SLC5A12: variants seen among roughly 807,000 people sequenced by gnomAD.
The protein encoded by SLC5A12 is solute carrier family 5 member 12.
Under a neutral mutation model 72.7 loss-of-function variants are expected in SLC5A12, and 46 were observed. The ratio of observed to expected loss-of-function variants is 0.63; its 90% CI spans 0.50 to 0.81. The LOEUF is 0.81. SLC5A12 is among the 30% of genes least tolerant of loss of function. SLC5A12 has a pLI of 0.00. For missense variants in SLC5A12, 683 were observed against 740.7 expected, an observed-to-expected ratio of 0.92 and a Z score of 0.90; for synonymous variants, 275 against 264.4, an observed-to-expected ratio of 1.04 and a Z score of -0.39.
chr11:26,699,502 C>T (rs7925046), intron 6 of SLC5A12, among the ~76,000 whole-genome samples: 6,999 of 152,170 alleles, frequency 0.046, 351 homozygotes, highest in African/African-American at 0.12. Flanking sequence ...GAGTTTTCAC[C>T]TCACAGTTTA....
chr11:26,717,169 G>A (rs1296224880), intron 1 of SLC5A12, among the ~76,000 whole-genome samples: 5 of 152,044 alleles, frequency 3.3e-5, no homozygotes, highest in Non-Finnish European at 7.4e-5. Context: ...TAAAAGGAAA[G>A]CATTTACCTA....
At chr11:26,696,721 T>C (rs865993946) in intron 8 of SLC5A12, among the ~76,000 whole-genome samples, 1 of 152,226 alleles carries the variant, frequency 6.6e-6, no homozygotes, top group Admixed American at 6.5e-5. Flanking sequence ...TATCATCATA[T>C]ATGCAGTCCA....
At chr11:26,700,948 C>T (rs936945608) in intron 6 of SLC5A12, among the ~76,000 whole-genome samples, 6 of 152,136 alleles carry the variant, frequency 3.9e-5, no homozygotes, top group African/African-American at 1.4e-4. Context: ...GATTTATTTT[C>T]CTCAAGTACC....
chr11:26,674,900 T>C (rs1854231138), intron 13 of SLC5A12, among the ~76,000 whole-genome samples: 1 of 152,228 alleles, frequency 6.6e-6, no homozygotes, highest in African/African-American at 2.4e-5. Context: ...TAGGTAAGTA[T>C]TGTTATTCTC....
At chr11:26,688,643 A>G (rs1854593355) in intron 9 of SLC5A12, among the ~76,000 whole-genome samples, 1 of 152,230 alleles carries the variant, frequency 6.6e-6, no homozygotes, top group Non-Finnish European at 1.5e-5. Context: ...AAAATAGTTT[A>G]AAACTTTGGC....
At chr11:26,715,223 C>T (rs575862283) in intron 1 of SLC5A12, among the ~76,000 whole-genome samples, 34 of 152,228 alleles carry the variant, frequency 2.2e-4, no homozygotes, top group Admixed American at 1.9e-3. Context: ...GAGGGTGCAA[C>T]ACCCATAGTT....
rs776966626 is a variant in SLC5A12 at position 26,721,426 on chromosome 11, C to T, written c.289G>A (p.Glu97Lys). 5.6e-6 allele frequency: 9 copies of T among 1,614,058 alleles called. No homozygotes were observed. The highest frequency in any genetic ancestry group is 7.6e-6 in the Non-Finnish European group (9 of 1,180,000). ...AYLFVILLTS[E>K]LFLPVFYRSG... ...CTGTAGAACACAGGGAGAAAGAGCT[C>T]TGATGTTAAGAGGATGACAAATAGG... is the stretch of plus-strand genomic sequence containing the variant. The change falls in exon 1 of 15, where the codon GAG (glutamate) becomes AAG (lysine). Residue 97 changes from glutamate (E) to lysine (K), a missense_variant. Coordinates refer to ENST00000396005, the MANE Select transcript of SLC5A12 (RefSeq NM_178498.4).
At chr11:26,689,783 A>C (rs562923062) in intron 9 of SLC5A12, among the ~76,000 whole-genome samples, 5 of 152,352 alleles carry the variant, frequency 3.3e-5, no homozygotes, top group African/African-American at 1.2e-4. Flanking sequence ...AAATGTATCA[A>C]AAATATGATG....
chr11:26,713,279 G>A (rs974676898), intron 1 of SLC5A12, among the ~76,000 whole-genome samples: 2 of 151,968 alleles, frequency 1.3e-5, no homozygotes, highest in African/African-American at 2.4e-5. Context: ...TCGGATCCAC[G>A]CCCTCCCTTT....
At chr11:26,720,353 G>GTAAA (rs932574754) in intron 1 of SLC5A12, among the ~76,000 whole-genome samples, 1 of 58,468 alleles carries the variant, frequency 1.7e-5, no homozygotes, top group Non-Finnish European at 6.0e-5. Flanking sequence ...AAATAAATAA[G>GTAAA]TAAATAAATA....
intron 13 of SLC5A12, among the ~76,000 whole-genome samples, chr11:26,677,785 A>G (rs1437914238): frequency 6.6e-6 from 1 of 152,182 alleles, no homozygotes; most frequent in African/African-American, 2.4e-5. Context: ...CAGTCACCAG[A>G]AATGTTGCCA....
intron 8 of SLC5A12, among the ~76,000 whole-genome samples, chr11:26,695,886 T>C (rs950186818): frequency 2.0e-5 from 3 of 152,208 alleles, no homozygotes; most frequent in Non-Finnish European, 4.4e-5. Flanking sequence ...CAGTGTTTCC[T>C]GTGTTCCTCA....
At chr11:26,720,393 G>A (rs1855452407) in intron 1 of SLC5A12, among the ~76,000 whole-genome samples, 1 of 151,812 alleles carries the variant, frequency 6.6e-6, no homozygotes, top group Non-Finnish European at 1.5e-5. Flanking sequence ...GCCTTTTTAA[G>A]TATCTTAAGA....
At chr11:26,695,549 A>C (rs1854788886) in intron 8 of SLC5A12, among the ~76,000 whole-genome samples, 1 of 152,202 alleles carries the variant, frequency 6.6e-6, no homozygotes, top group African/African-American at 2.4e-5. Flanking sequence ...CATAATGTAA[A>C]ACATTAATAT....
chr11:26,684,022 TTATG>T (rs201647302), intron 10 of SLC5A12, among the ~76,000 whole-genome samples, 179 bp from the exon 11 acceptor site: 1,513 of 132,192 alleles, frequency 0.011, 14 homozygotes, highest in African/African-American at 0.033. Context: ...AGCACTGTAT[TTATG>T]TATGTGTGTG....
At chr11:26,719,812 C>T (rs1236666303) in intron 1 of SLC5A12, among the ~76,000 whole-genome samples, 1 of 152,184 alleles carries the variant, frequency 6.6e-6, no homozygotes, top group Non-Finnish European at 1.5e-5. Context: ...ATCCTATTTA[C>T]TTTACTTTTT....
intron 9 of SLC5A12, 107 bp downstream of exon 9, chr11:26,692,382 G>A (rs1436878004): frequency 4.1e-6 from 3 of 737,842 alleles, no homozygotes; most frequent in Non-Finnish European, 7.3e-6. Context: ...ATATCTCACA[G>A]TGCATTTGTG....
Position 26,697,234 on chromosome 11 carries a change from T to C in SLC5A12, c.970A>G (p.Met324Val). Residue 324 changes from methionine (M) to valine (V), a missense_variant, in exon 8 of 15, where the codon ATG becomes GTG. By Grantham distance (21) the Met-to-Val change is conservative (BLOSUM62 1). Coordinates refer to ENST00000396005, the MANE Select transcript of SLC5A12 (RefSeq NM_178498.4). ...CCTGGCATTGTGGCAAATATCTCCA[T>C]GACAAAGTACGGCATCAGCTGAAGA... ...APDQLMPYFV[M>V]EIFATMPGLP... is the part of the protein sequence containing the mutation. 5.0e-6 allele frequency: 8 copies of C among 1,611,504 alleles called. No homozygotes were observed. Among genetic ancestry groups the C allele is most frequent in the Non-Finnish European group, 5.9e-6 (7 of 1,179,382 alleles).
At chr11:26,690,488 T>A (rs1189811466) in intron 9 of SLC5A12, among the ~76,000 whole-genome samples, 1 of 151,606 alleles carries the variant, frequency 6.6e-6, no homozygotes, top group Non-Finnish European at 1.5e-5. Context: ...ATTTAAAGAA[T>A]AATGCTGGGA....
Sources: gnomAD v4.1 joint callset for allele counts (sites outside exome capture counted in the v4.1 genomes callset) on GRCh38, gnomAD v4.1.1 for gene constraint, MANE v1.5 for transcripts, NCBI Gene and HGNC (gene_info 2026-07-23, HGNC 2026-07-21) for gene names.